The following PAICS variants were observed in gnomAD, a reference collection of about 807,000 sequenced individuals.
The protein encoded by PAICS is phosphoribosylaminoimidazole carboxylase and phosphoribosylaminoimidazolesuccinocarboxamide synthase.
PAICS carries 33 observed loss-of-function variants against 53.7 expected under a neutral mutation model. The ratio of observed to expected loss-of-function variants is 0.61; its 90% CI spans 0.47 to 0.82. The LOEUF (loss-of-function observed/expected upper bound fraction) is 0.82, where lower values mean the gene tolerates loss of function less well. Among genes scored for constraint, PAICS ranks in the 40% least tolerant of loss-of-function variants. The pLI is 0.00. For synonymous variants in PAICS, 141 were observed against 167.2 expected, an observed-to-expected ratio of 0.84 and a Z score of 1.21; for missense variants, 394 against 494.1, an observed-to-expected ratio of 0.80 and a Z score of 1.92.
chr4:56,431,696 C>A (rs1717592407), upstream of PAICS: 1 of 171,366 alleles, frequency 5.8e-6, no homozygotes, highest in East Asian at 1.9e-4. Flanking sequence ...TGGCATAAAT[C>A]TACAGACATT....
At position 56,448,744 on chromosome 4, in the gene PAICS, T is replaced by C. The variant is rs1008543492; in HGVS notation, c.608T>C (p.Ile203Thr). The C allele has an allele frequency of 1.3e-6, 2 of 1,597,280 alleles. No homozygotes were observed. Among genetic ancestry groups the C allele is most frequent in the African/African-American group, 2.7e-5 (2 of 74,728 alleles). ...GGTGTTGATGTAACCACCAAAGAAA[T>C]TGTTCTTGCTGATGTTATTGACAAT... ...EFGVDVTTKE[I>T]VLADVIDNDS... is the part of the protein sequence containing the mutation. The change falls in exon 5 of 9, where the codon ATT (isoleucine) becomes ACT (threonine). Residue 203 changes from isoleucine (I) to threonine (T), a missense_variant. Physicochemically the swap from Ile to Thr is moderately conservative, Grantham distance 89. Around this residue, in one of 3 missense-constraint regions of PAICS, gnomAD observed 131 missense variants for 205.5 expected, o/e 0.64. Transcript: ENST00000512576.
chr4:56,433,699 G>GTTT (rs35741626), upstream of PAICS, among the ~76,000 whole-genome samples: 24 of 141,484 alleles, frequency 1.7e-4, 1 homozygote, highest in African/African-American at 4.9e-4. Flanking sequence ...AATAACAACT[G>GTTT]TTTTTTTTTT....
chr4:56,415,272 G>C, the PAICS span, among the ~76,000 whole-genome samples: 4 of 152,138 alleles, frequency 2.6e-5, no homozygotes, highest in Admixed American at 1.3e-4. Flanking sequence ...TTTTAATTGA[G>C]ACATTACAAA....
At chr4:56,452,122 T>A (rs1718950043) in intron 7 of PAICS, 70 bp downstream of exon 7, 5 of 953,592 alleles carry the variant, frequency 5.2e-6, no homozygotes, top group Non-Finnish European at 7.8e-6. Context: ...CACTTTAGAC[T>A]AATAATGCTG....
chr4:56,456,874 G>A (rs1472881960), intron 8 of PAICS, among the ~76,000 whole-genome samples: 1 of 152,036 alleles, frequency 6.6e-6, no homozygotes, highest in Admixed American at 6.6e-5. Flanking sequence ...TTCTTCAGCT[G>A]TCTGGTAATC....
At chr4:56,420,293 A>G in the PAICS span, 2 of 152,318 alleles carry the variant, frequency 1.3e-5, no homozygotes, top group African/African-American at 4.8e-5. Context: ...AATTTTGTGC[A>G]TGAAACAAAG....
intron 2 of PAICS, chr4:56,446,219 CAT>C: frequency 1.7e-6 from 1 of 577,718 alleles, no homozygotes. Flanking sequence ...CAATGTTGTA[CAT>C]TCATCCCATT....
upstream of PAICS, among the ~76,000 whole-genome samples, chr4:56,433,527 C>T (rs1717718082): frequency 6.8e-6 from 1 of 148,074 alleles, no homozygotes; most frequent in African/African-American, 2.5e-5. Flanking sequence ...TTTCTTCAGG[C>T]ACACATTTAA....
At chr4:56,450,272 G>A (rs1718840514) in intron 5 of PAICS, among the ~76,000 whole-genome samples, 1 of 152,000 alleles carries the variant, frequency 6.6e-6, no homozygotes, top group Non-Finnish European at 1.5e-5. Context: ...AAACTACCAT[G>A]GCACATGTAT....
the PAICS span, among the ~76,000 whole-genome samples, chr4:56,419,380 T>C: frequency 2.0e-5 from 3 of 152,144 alleles, no homozygotes; most frequent in Non-Finnish European, 2.9e-5. Flanking sequence ...ACAGGAAAGA[T>C]GATCAAAATA....
chr4:56,445,946 G>C (rs1178425966), intron 2 of PAICS, among the ~76,000 whole-genome samples: 1 of 152,164 alleles, frequency 6.6e-6, no homozygotes, highest in Non-Finnish European at 1.5e-5. Context: ...CCTAGAGACA[G>C]GGTAGGTTGG....
intron 1 of PAICS, among the ~76,000 whole-genome samples, chr4:56,438,371 T>TATATATATATATA (rs1718133599): frequency 7.9e-5 from 9 of 113,636 alleles, no homozygotes; most frequent in East Asian, 2.3e-4. Context: ...TGCAATGTGT[T>TATATATATATATA]TATATATATA....
At chr4:56,425,592 C>T in the PAICS span, 1 of 154,608 alleles carries the variant, frequency 6.5e-6, no homozygotes, top group African/African-American at 2.4e-5. Context: ...TTTTGGTCTC[C>T]TGTTCCTGGC....
chr4:56,431,613 G>A, upstream of PAICS: 1 of 639,298 alleles, frequency 1.6e-6, no homozygotes, highest in Non-Finnish European at 1.9e-6. Flanking sequence ...TTCCTAACCA[G>A]GAGAAGTGAT....
rs950876648 is a variant in PAICS, at chr4:56,452,135, A to G, written c.952+83A>G. On this transcript the variant is annotated intron_variant, in intron 7 of 8. Coordinates refer to ENST00000512576, the MANE Select transcript of PAICS (RefSeq NM_001079524.2). ...CACACTTTAGACTAATAATGCTGAA[A>G]AAAGAGCTTTGTCAGTTTTCTAAGG... 1.6e-5 allele frequency: 14 copies of G among 885,858 alleles called. No individual in the cohort carries two copies. In the African/African-American group the frequency reaches 2.4e-4, roughly 15 times the overall value. 54.9% of individuals were successfully genotyped at this position (885,858 alleles called of 1,614,324 possible). A position where few individuals can be genotyped will look rare whatever the true frequency, so the allele number is the denominator to read the frequency against.
chr4:56,451,725 C>T lies in PAICS; in HGVS notation c.772-147C>T, dbSNP rs1033856725. 39 of 467,546 alleles carry T rather than the reference C, an allele frequency of 8.3e-5. No homozygotes were observed. The East Asian group carries it at 1.3e-3, about 15-fold the overall frequency. The allele number at this position is 467,546 out of a possible 1,614,324, so 29.0% of individuals were successfully genotyped here. A position where few individuals can be genotyped will look rare whatever the true frequency, so the allele number is the denominator to read the frequency against. On this transcript the variant is annotated intron_variant, in intron 6 of 8. Transcript: ENST00000512576. ...TATATTGAGATTTTTAAAAATAAAT[C>T]CTGTCTTTTTGTTGTTTGTCTCTGT... is the stretch of plus-strand genomic sequence containing the variant.
the PAICS span, chr4:56,429,009 A>C: frequency 1.0e-6 from 1 of 959,574 alleles, no homozygotes; most frequent in Non-Finnish European, 1.2e-6. Context: ...GAAGATGGTA[A>C]GAGCCAGAGA....
intron 2 of PAICS, among the ~76,000 whole-genome samples, chr4:56,445,279 T>C (rs1437818453): frequency 1.3e-5 from 2 of 151,994 alleles, no homozygotes; most frequent in Non-Finnish European, 2.9e-5. Context: ...TCTGTTTTTT[T>C]CACTGTAAAA....
At chr4:56,436,665 C>T (rs1717991494) in intron 1 of PAICS, 3 of 574,976 alleles carry the variant, frequency 5.2e-6, no homozygotes, top group Admixed American at 2.2e-5. Flanking sequence ...AGGTTAATGA[C>T]CTTTCTAAGA....
Sources: allele counts gnomAD v4.1 joint callset (sites outside exome capture counted in the v4.1 genomes callset), GRCh38; gene constraint gnomAD v4.1.1; regional missense constraint gnomAD v4.1.1; transcripts MANE v1.5; gene names NCBI Gene and HGNC (gene_info 2026-07-23, HGNC 2026-07-21).